TPRA1: variants seen among roughly 807,000 people sequenced by gnomAD.
TPRA1 encodes transmembrane protein adipocyte associated 1, also known as transmembrane protein adipocyte-associated 1.
TPRA1 carries 28 observed loss-of-function variants against 40.1 expected under a neutral mutation model. That is an observed-to-expected ratio of 0.70 (90% CI 0.52 to 0.96). The LOEUF (loss-of-function observed/expected upper bound fraction) is 0.96. Among genes scored for constraint, TPRA1 ranks in the 40% least tolerant of loss-of-function variants. The pLI is 0.00. For missense variants in TPRA1, 441 were observed against 482.6 expected, an observed-to-expected ratio of 0.91 and a Z score of 0.81; for synonymous variants, 219 against 209.7, an observed-to-expected ratio of 1.04 and a Z score of -0.38.
At chr3:127,579,940 T>C in intron 2 of TPRA1, 68 bp from the exon 3 acceptor site, 1 of 1,608,650 alleles carries the variant, frequency 6.2e-7, no homozygotes, top group East Asian at 2.2e-5. Flanking sequence ...CAAGACACAA[T>C]CTGCCCCACC....
intron 3 of TPRA1, 79 bp downstream of exon 3, chr3:127,579,661 T>C: frequency 1.3e-6 from 2 of 1,510,068 alleles, no homozygotes; most frequent in Non-Finnish European, 1.8e-6. Context: ...TGAAGCTTAT[T>C]TTCATTATAG....
At chr3:127,575,543 T>C in intron 8 of TPRA1, 38 bp from the exon 9 acceptor site, 1 of 1,506,738 alleles carries the variant, frequency 6.6e-7, no homozygotes, top group Non-Finnish European at 8.9e-7. Flanking sequence ...GGTCCCACCC[T>C]GGACAGGCCA....
At chr3:127,594,097 G>A (rs747532297), upstream of TPRA1, among the ~76,000 whole-genome samples, 4 of 152,226 alleles carry the variant, frequency 2.6e-5, no homozygotes, top group Non-Finnish European at 4.4e-5. Flanking sequence ...GTGCTCCAGC[G>A]GGCAGAAGAT....
upstream of TPRA1, among the ~76,000 whole-genome samples, chr3:127,592,248 T>C (rs2074185775): frequency 6.6e-6 from 1 of 151,862 alleles, no homozygotes; most frequent in Non-Finnish European, 1.5e-5. Flanking sequence ...TGCCAGGAAG[T>C]AGAAGTCATG....
intron 3 of TPRA1, among the ~76,000 whole-genome samples, chr3:127,579,441 C>G (rs1227207650): frequency 6.6e-6 from 1 of 152,010 alleles, no homozygotes; most frequent in Admixed American, 6.6e-5. Flanking sequence ...CTAGGTGGGC[C>G]AGTCAGAGGA....
At chr3:127,581,897 G>A (rs972052743) in intron 1 of TPRA1, among the ~76,000 whole-genome samples, 1 of 151,168 alleles carries the variant, frequency 6.6e-6, no homozygotes. Flanking sequence ...GCTCCAGCCT[G>A]GGCGACAGAG....
chr3:127,577,943 T>A (rs73858483), intron 3 of TPRA1, among the ~76,000 whole-genome samples: 36 of 152,360 alleles, frequency 2.4e-4, no homozygotes, highest in African/African-American at 8.7e-4. Flanking sequence ...CATGCAAGCC[T>A]GGCACCATGG....
intron 3 of TPRA1, among the ~76,000 whole-genome samples, chr3:127,579,041 G>A (rs2073741913): frequency 1.3e-5 from 2 of 151,808 alleles, no homozygotes; most frequent in Admixed American, 6.6e-5. Flanking sequence ...GCCCACACCT[G>A]GCACCTATAC....
intron 10 of TPRA1, among the ~76,000 whole-genome samples, chr3:127,574,764 G>A (rs2073522867): frequency 6.6e-6 from 1 of 152,226 alleles, no homozygotes; most frequent in Non-Finnish European, 1.5e-5. Flanking sequence ...TGTGTGTACT[G>A]TACATACAAT....
upstream of TPRA1, among the ~76,000 whole-genome samples, chr3:127,591,276 G>C (rs1376217927): frequency 6.6e-6 from 1 of 152,176 alleles, no homozygotes; most frequent in Non-Finnish European, 1.5e-5. Context: ...TCCACGCGGC[G>C]CCGCCATGCC....
At chr3:127,585,722 C>G (rs941848157) in intron 1 of TPRA1, among the ~76,000 whole-genome samples, 1 of 152,228 alleles carries the variant, frequency 6.6e-6, no homozygotes, top group Non-Finnish European at 1.5e-5. Context: ...ACACTGACCA[C>G]CAGACACTGT....
chr3:127,573,716 G>A lies in TPRA1; in HGVS notation c.927C>T (p.Pro309=), dbSNP rs1161553248. 4.7e-5 allele frequency: 76 copies of A among 1,611,890 alleles called. No homozygotes were observed. Among genetic ancestry groups the A allele is most frequent in the Non-Finnish European group, 6.4e-5 (75 of 1,178,578 alleles). ...DETEEPDVHL[P]QPYAVARREG... ...CCCGCCGGGCCACAGCGTAGGGCTG[G>A]GGTAGGTGTACATCTGGCTCCTCTG... Residue 309 remains proline, a synonymous_variant, in exon 11 of 11, where the codon CCC becomes CCT. Transcript: ENST00000355552.
At chr3:127,586,873 G>A (rs867616328) in intron 1 of TPRA1, among the ~76,000 whole-genome samples, 3 of 152,286 alleles carry the variant, frequency 2.0e-5, no homozygotes, top group South Asian at 2.1e-4. Context: ...AGGAGAGTGG[G>A]GGAGTCAGGC....
At position 127,579,792 on chromosome 3, in the gene TPRA1, C is replaced by G. The variant is rs754759656; in HGVS notation, c.206G>C (p.Arg69Pro). Reference protein sequence around the residue: ...IFLLWKLPSARAKIRITSSPI... With the variant: ...IFLLWKLPSAPAKIRITSSPI... ...GCTGGAGGTGATGCGGATCTTCGCC[C>G]GAGCAGATGGAAGCTTCCAGAGCAG... Residue 69 changes from arginine to proline, a missense_variant, in exon 3 of 11, where the codon CGG becomes CCG. Arg to Pro is a moderately radical substitution (Grantham distance 103, BLOSUM62 -2). Transcript: ENST00000355552. 1 of 1,614,086 alleles carries G rather than the reference C, an allele frequency of 6.2e-7. No individual in the cohort carries two copies. Among genetic ancestry groups the G allele is most frequent in the Admixed American group, 1.7e-5 (1 of 60,022 alleles).
chr3:127,575,974 T>G lies in TPRA1; in HGVS notation c.575A>C (p.Gln192Pro). 1.2e-6 allele frequency: 2 copies of G among 1,614,020 alleles called. No individual in the cohort carries two copies. Among genetic ancestry groups the G allele is most frequent in the Non-Finnish European group, 1.7e-6 (2 of 1,180,018 alleles). ...DFNIYGHGGR[Q>P]FWLVSSCFFF... ...GAAGCAGGAGCTGACCAGCCAGAAC[T>G]GGCGGCCCCCATGGCCATAGATATT... The change falls in exon 7 of 11, where the codon CAG becomes CCG. Residue 192 changes from glutamine to proline, a missense_variant. Coordinates refer to ENST00000355552, the MANE Select transcript of TPRA1 (RefSeq NM_001136053.4).
chr3:127,593,001 G>A (rs756214142), upstream of TPRA1, among the ~76,000 whole-genome samples: 1 of 152,204 alleles, frequency 6.6e-6, no homozygotes, highest in Non-Finnish European at 1.5e-5. Flanking sequence ...GCCCCAGGAA[G>A]AATCTTAAAC....
Position 127,576,568 on chromosome 3 carries a change from G to T in TPRA1, c.498+49C>A. On this transcript the variant is annotated intron_variant, in intron 6 of 10. Transcript: ENST00000355552. The surrounding 1 kb of genome is among the most constrained non-coding windows in gnomAD (Gnocchi z 4.6). ...TGACCCAGACCCAGAAGCAGTGGGT[G>T]CCTGGTGCCCTGACTCCTAGCGTCC... 6.6e-7 allele frequency: 1 copy of T among 1,517,440 alleles called. No homozygotes were observed. Among genetic ancestry groups the T allele is most frequent in the Non-Finnish European group, 8.9e-7 (1 of 1,120,612 alleles). The allele number at this position is 1,517,440 out of a possible 1,614,324, so 94.0% of individuals were successfully genotyped here.
chr3:127,574,653 A>G (rs1015084016), intron 10 of TPRA1, among the ~76,000 whole-genome samples: 2 of 152,246 alleles, frequency 1.3e-5, no homozygotes, highest in Non-Finnish European at 2.9e-5. Flanking sequence ...TAGGTGCTCA[A>G]TGAATGCTTG....
chr3:127,594,530 G>T (rs562346498), upstream of TPRA1, among the ~76,000 whole-genome samples: 3 of 152,320 alleles, frequency 2.0e-5, no homozygotes, highest in African/African-American at 7.2e-5. Context: ...TGGTAGAGAT[G>T]ACTAGGGGAC....
Sources: allele counts gnomAD v4.1 joint callset (sites outside exome capture counted in the v4.1 genomes callset), GRCh38; gene constraint gnomAD v4.1.1; non-coding constraint Gnocchi (gnomAD v3.1); transcripts MANE v1.5; gene names NCBI Gene and HGNC (gene_info 2026-07-23, HGNC 2026-07-21).